PDZD2: variants seen among roughly 807,000 people sequenced by gnomAD.
The protein encoded by PDZD2 is PDZ domain-containing protein 2.
In PDZD2, 90 loss-of-function variants were observed where a neutral mutation model predicts 220.7. The observed-to-expected ratio is 0.41, with a 90% CI of 0.34 to 0.49. The LOEUF is 0.49. Among genes scored for constraint, PDZD2 ranks in the 20% least tolerant of loss-of-function variants. PDZD2 has a pLI of 0.28. For synonymous variants in PDZD2, 1,375 were observed against 1,450.5 expected, an observed-to-expected ratio of 0.95 and a Z score of 1.18; for missense variants, 3,174 against 3,608.5, an observed-to-expected ratio of 0.88 and a Z score of 3.08.
intron 2 of PDZD2, among the ~76,000 whole-genome samples, chr5:31,935,513 T>C (rs935945535): frequency 2.0e-5 from 3 of 152,198 alleles, no homozygotes; most frequent in Admixed American, 2.0e-4. Flanking sequence ...ACAATGGAAG[T>C]TGGAAGCTTA....
intron 2 of PDZD2, among the ~76,000 whole-genome samples, chr5:31,943,545 T>C (rs1746388705): frequency 6.6e-6 from 1 of 152,252 alleles, no homozygotes; most frequent in African/African-American, 2.4e-5. Flanking sequence ...ATTCGGAATG[T>C]AATATTTCTG....
intron 1 of PDZD2, among the ~76,000 whole-genome samples, chr5:31,728,899 G>C (rs1749337500): frequency 6.6e-6 from 1 of 151,658 alleles, no homozygotes; most frequent in Non-Finnish European, 1.5e-5. Context: ...CTGTCACCTA[G>C]GCCGGAGTGC....
intron 6 of PDZD2, among the ~76,000 whole-genome samples, chr5:32,027,636 T>G (rs901149519): frequency 6.6e-6 from 1 of 152,182 alleles, no homozygotes; most frequent in African/African-American, 2.4e-5. Flanking sequence ...AGTTTGACTT[T>G]GTGGTGTTGC....
chr5:31,857,960 G>A (rs185629870), intron 2 of PDZD2, among the ~76,000 whole-genome samples: 15 of 152,102 alleles, frequency 9.9e-5, no homozygotes, highest in African/African-American at 3.4e-4. Context: ...CGAGTAATTC[G>A]GACTACAGGC....
intron 6 of PDZD2, among the ~76,000 whole-genome samples, chr5:32,020,846 A>G (rs2112135831): frequency 6.6e-6 from 1 of 151,932 alleles, no homozygotes; most frequent in African/African-American, 2.4e-5. Context: ...GTGTTTCACC[A>G]TGTTGGCCAG....
chr5:31,685,019 A>AC (rs1746794550), intron 1 of PDZD2, among the ~76,000 whole-genome samples: 1 of 152,156 alleles, frequency 6.6e-6, no homozygotes, highest in Non-Finnish European at 1.5e-5. Flanking sequence ...AGTGCCTGGC[A>AC]CCTAGCAGGC....
At chr5:31,838,687 T>G (rs2150280346) in intron 2 of PDZD2, among the ~76,000 whole-genome samples, 1 of 152,308 alleles carries the variant, frequency 6.6e-6, no homozygotes, top group Middle Eastern at 3.4e-3. Context: ...AGTTTTTCAT[T>G]GACTTAGTAG....
intron 1 of PDZD2, among the ~76,000 whole-genome samples, chr5:31,695,162 C>T (rs10472194): frequency 0.19 from 29,180 of 151,876 alleles, 2,816 homozygotes; most frequent in East Asian, 0.29. Context: ...GAATAAAGAA[C>T]GGCTACTCCA....
chr5:31,929,903 G>C (rs904248870), intron 2 of PDZD2, among the ~76,000 whole-genome samples: 1 of 152,152 alleles, frequency 6.6e-6, no homozygotes, highest in African/African-American at 2.4e-5. Context: ...ACTGGATCAT[G>C]GGGGAGGATC....
At chr5:31,958,141 T>C (rs1217165223) in intron 2 of PDZD2, among the ~76,000 whole-genome samples, 1 of 152,270 alleles carries the variant, frequency 6.6e-6, no homozygotes, top group Admixed American at 6.5e-5. Flanking sequence ...GTTTAAGTGA[T>C]ATATATTTAC....
At chr5:31,709,574 G>A (rs1279337088) in intron 1 of PDZD2, among the ~76,000 whole-genome samples, 8 of 152,022 alleles carry the variant, frequency 5.3e-5, no homozygotes, top group Non-Finnish European at 1.0e-4. Context: ...TAAATGATAG[G>A]GAAATGTGGG....
intron 4 of PDZD2, among the ~76,000 whole-genome samples, chr5:31,997,904 G>A (rs56284471): frequency 0.068 from 10,275 of 152,190 alleles, 450 homozygotes; most frequent in Non-Finnish European, 0.1. Flanking sequence ...GTGCAGTGGC[G>A]CGATCTCGGC....
At chr5:31,824,167 T>C (rs1561487575) in intron 2 of PDZD2, among the ~76,000 whole-genome samples, 1 of 152,288 alleles carries the variant, frequency 6.6e-6, no homozygotes, top group South Asian at 2.1e-4. Flanking sequence ...TATTCCAGGA[T>C]AGCATATTTT....
intron 20 of PDZD2, among the ~76,000 whole-genome samples, chr5:32,091,769 G>A (rs1350620914): frequency 1.3e-5 from 2 of 152,112 alleles, no homozygotes; most frequent in African/African-American, 4.8e-5. Context: ...TAGTGCCCTT[G>A]GTTTTTAATA....
intron 18 of PDZD2, among the ~76,000 whole-genome samples, chr5:32,076,394 G>GTAATTC (rs142919840): frequency 0.071 from 10,696 of 149,956 alleles, 523 homozygotes; most frequent in East Asian, 0.23. Context: ...TAAGAGTTTT[G>GTAATTC]TAATTCTAAG....
chr5:31,870,917 A>G (rs1325720529), intron 2 of PDZD2, among the ~76,000 whole-genome samples: 2 of 151,938 alleles, frequency 1.3e-5, no homozygotes, highest in East Asian at 3.9e-4. Context: ...GAACAAGTTA[A>G]GAACCTTATT....
At chr5:31,752,680 G>C (rs1040397041) in intron 1 of PDZD2, among the ~76,000 whole-genome samples, 4 of 152,118 alleles carry the variant, frequency 2.6e-5, no homozygotes, top group Non-Finnish European at 5.9e-5. Flanking sequence ...CTTCCAAAGT[G>C]CTGGGATTAT....
chr5:31,656,813 C>G (rs924057764), intron 1 of PDZD2, among the ~76,000 whole-genome samples: 1 of 152,150 alleles, frequency 6.6e-6, no homozygotes, highest in Admixed American at 6.5e-5. Flanking sequence ...TTTAGGGGCT[C>G]TAAGAGGAAG....
intron 1 of PDZD2, among the ~76,000 whole-genome samples, chr5:31,672,971 C>T (rs1746272884): frequency 6.6e-6 from 1 of 152,128 alleles, no homozygotes; most frequent in South Asian, 2.1e-4. Context: ...GCCATTGTTT[C>T]CTTATTGGGA....
Sources: gnomAD v4.1 joint callset for allele counts (sites outside exome capture counted in the v4.1 genomes callset) on GRCh38, gnomAD v4.1.1 for gene constraint, MANE v1.5 for transcripts, NCBI Gene and HGNC (gene_info 2026-07-23, HGNC 2026-07-21) for gene names.